RASA3: variants seen among roughly 807,000 people sequenced by gnomAD.
RASA3 encodes the protein RAS p21 protein activator 3, also known as ras GTPase-activating protein 3.
In RASA3, 73 loss-of-function variants were observed where a neutral mutation model predicts 110.0. The observed-to-expected ratio is 0.66, with a 90% CI of 0.55 to 0.81. RASA3 has a LOEUF of 0.81. Among genes scored for constraint, RASA3 ranks in the 30% least tolerant of loss-of-function variants. The pLI is 0.00. For missense variants in RASA3, 976 were observed against 1,113.2 expected (o/e 0.88, Z 1.75); for synonymous variants, 500 against 451.4 (o/e 1.11, Z -1.37).
At chr13:114,099,178 G>A (rs1179251671) in intron 1 of RASA3, among the ~76,000 whole-genome samples, 1 of 149,788 alleles carries the variant, frequency 6.7e-6, no homozygotes, top group African/African-American at 2.5e-5. Flanking sequence ...CAGCAGTCGG[G>A]GCCCGGCCAC....
intron 2 of RASA3, among the ~76,000 whole-genome samples, chr13:114,055,790 C>T (rs1566534776): frequency 2.0e-5 from 3 of 151,846 alleles, no homozygotes; most frequent in African/African-American, 7.2e-5. Context: ...TCACTTCCTG[C>T]TCCAGAGTGG....
At chr13:114,081,933 A>G (rs1478639642) in intron 1 of RASA3, among the ~76,000 whole-genome samples, 1 of 152,158 alleles carries the variant, frequency 6.6e-6, no homozygotes, top group African/African-American at 2.4e-5. Flanking sequence ...GAGTCCACAC[A>G]CAGGACCTCA....
intron 1 of RASA3, among the ~76,000 whole-genome samples, chr13:114,079,423 C>A (rs1191955577): frequency 1.3e-5 from 2 of 152,204 alleles, no homozygotes; most frequent in Non-Finnish European, 2.9e-5. Flanking sequence ...CTCAAGGCTC[C>A]CAACCTCAGC....
intron 3 of RASA3, among the ~76,000 whole-genome samples, chr13:114,043,683 G>A (rs2078977687): frequency 6.6e-6 from 1 of 152,074 alleles, no homozygotes; most frequent in Non-Finnish European, 1.5e-5. Flanking sequence ...ACAGGAAACA[G>A]GCCCCAGCAC....
chr13:113,981,904 C>A, intron 22 of RASA3, 46 bp from the exon 23 acceptor site: 1 of 1,568,820 alleles, frequency 6.4e-7, no homozygotes, highest in Non-Finnish European at 8.7e-7. Flanking sequence ...CCCAGGCCAC[C>A]GGCCCCGTCT....
At chr13:114,132,068 C>T (rs1473487288) in intron 1 of RASA3, among the ~76,000 whole-genome samples, 1 of 152,214 alleles carries the variant, frequency 6.6e-6, no homozygotes, top group East Asian at 1.9e-4. Flanking sequence ...GGCGCCCAGA[C>T]AGCCTCAGGC....
At chr13:114,030,466 G>A (rs151118215) in intron 4 of RASA3, among the ~76,000 whole-genome samples, 2,824 of 100,156 alleles carry the variant, frequency 0.028, 121 homozygotes, top group African/African-American at 0.1. Flanking sequence ...TCACACAGAG[G>A]GCAAGGCTCA....
At chr13:113,989,531 C>G (rs2053056852) in intron 22 of RASA3, among the ~76,000 whole-genome samples, 1 of 149,344 alleles carries the variant, frequency 6.7e-6, no homozygotes, top group South Asian at 2.2e-4. Flanking sequence ...CGTCCATCCA[C>G]CATCACTCAC....
Position 114,040,981 on chromosome 13 carries a change from G to A in RASA3, c.372+19C>T. The A allele has an allele frequency of 6.2e-7, 1 of 1,611,982 alleles. No individual in the cohort carries two copies. Among genetic ancestry groups the A allele is most frequent in the Non-Finnish European group, 8.5e-7 (1 of 1,179,312 alleles). On this transcript the variant is annotated intron_variant, in intron 4 of 23. Transcript: ENST00000334062. ...GTGTCCCAGGGCTCTGGTTTCCGGGGCTGCGCCGAGAGTCTCACCTGCACT... is the reference window on the plus strand; with the variant it reads ...GTGTCCCAGGGCTCTGGTTTCCGGGACTGCGCCGAGAGTCTCACCTGCACT...
chr13:114,030,406 GCAGAGAGCAAGACTCACA>G (rs1566501438), intron 4 of RASA3, among the ~76,000 whole-genome samples: 2 of 55,356 alleles, frequency 3.6e-5, no homozygotes, highest in African/African-American at 1.1e-4. Context: ...CAAGACTCAC[GCAGAGAGCAAGACTCACA>G]CAGAGGGCAA....
At chr13:114,025,791 A>T (rs1233295626) in intron 7 of RASA3, among the ~76,000 whole-genome samples, 1 of 152,242 alleles carries the variant, frequency 6.6e-6, no homozygotes, top group Non-Finnish European at 1.5e-5. Context: ...GAAACGGAAC[A>T]TCTGTTTTCC....
intron 2 of RASA3, among the ~76,000 whole-genome samples, chr13:114,070,804 C>T (rs111336933): frequency 2.3e-5 from 3 of 131,860 alleles, no homozygotes; most frequent in Non-Finnish European, 4.9e-5. Flanking sequence ...CTAAACGGCG[C>T]CACAGTCTTA....
chr13:114,088,050 G>C (rs1408682958), intron 1 of RASA3, among the ~76,000 whole-genome samples: 1 of 152,104 alleles, frequency 6.6e-6, no homozygotes, highest in Non-Finnish European at 1.5e-5. Flanking sequence ...AGGATCACTT[G>C]ATCCCAGGAG....
At chr13:114,027,539 C>G in intron 6 of RASA3, 78 bp from the exon 7 acceptor site, 1 of 1,086,596 alleles carries the variant, frequency 9.2e-7, no homozygotes, top group Non-Finnish European at 1.4e-6. Flanking sequence ...ACCGAGCTCT[C>G]AAATGCACAA....
Position 113,983,218 on chromosome 13 carries a change from C to T in RASA3, c.2246-1360G>A, listed in dbSNP as rs529130983. On this transcript the variant is annotated intron_variant, in intron 22 of 23. Transcript: ENST00000334062. ...TAGGGGATATCTAAGTAACCCTGAA[C>T]AGAATGGTGGCATGAGCATGGGTGG... Among the ~76,000 whole-genome samples the T allele has an allele frequency of 3.1e-5, 4 of 128,786 alleles. No homozygotes were observed. In the South Asian group the frequency reaches 1.2e-3, roughly 37 times the overall value. 84.5% of individuals were successfully genotyped at this position (128,786 alleles called of 152,430 possible).
rs2080254243 is a variant in RASA3, at chr13:114,114,459, C to G, written c.55+17976G>C. ...GAGATGAACTAATCAGCAAATGCTC[C>G]TTGCACATTTCCTAGCTCTGTCAGC... On this transcript the variant is annotated intron_variant, in intron 1 of 23. Coordinates refer to ENST00000334062, the MANE Select transcript of RASA3 (RefSeq NM_007368.4). The surrounding 1 kb of genome is among the most constrained non-coding windows in gnomAD (Gnocchi z 4.8). Among the ~76,000 whole-genome samples, 1 of 152,196 alleles carries G rather than the reference C, an allele frequency of 6.6e-6. No homozygotes were observed. The highest frequency in any genetic ancestry group is 2.4e-5 in the African/African-American group (1 of 41,454).
chr13:114,042,802 G>C (rs1417896725), intron 3 of RASA3, among the ~76,000 whole-genome samples: 2 of 152,226 alleles, frequency 1.3e-5, no homozygotes, highest in Admixed American at 1.3e-4. Flanking sequence ...TCCAGCCTCA[G>C]TAAATTCGGG....
chr13:114,036,726 G>A (rs1454933548), intron 4 of RASA3, among the ~76,000 whole-genome samples: 2 of 152,068 alleles, frequency 1.3e-5, no homozygotes, highest in Non-Finnish European at 2.9e-5. Flanking sequence ...CAGTAGAGAC[G>A]GGGTTTCACC....
At chr13:114,050,088 C>A (rs550261035) in intron 3 of RASA3, among the ~76,000 whole-genome samples, 1 of 152,356 alleles carries the variant, frequency 6.6e-6, no homozygotes, top group East Asian at 1.9e-4. Flanking sequence ...AGCCGATGCC[C>A]TGGTCAGAGG....
Sources: allele counts gnomAD v4.1 joint callset (sites outside exome capture counted in the v4.1 genomes callset), GRCh38; gene constraint gnomAD v4.1.1; non-coding constraint Gnocchi (gnomAD v3.1); transcripts MANE v1.5; gene names NCBI Gene and HGNC (gene_info 2026-07-23, HGNC 2026-07-21).